SORCS1: variants seen among roughly 807,000 people sequenced by gnomAD.
SORCS1 encodes the protein sortilin related VPS10 domain containing receptor 1.
In SORCS1, 60 loss-of-function variants were observed where a neutral mutation model predicts 146.1. The observed-to-expected ratio is 0.41, with a 90% CI of 0.33 to 0.51. The LOEUF is 0.51. Ranked by LOEUF, SORCS1 falls within the 20% of genes least tolerant of loss-of-function variation. The pLI, the probability that SORCS1 is intolerant of heterozygous loss-of-function variation, is 0.21. For missense variants in SORCS1, 1,352 were observed against 1,487.6 expected, an observed-to-expected ratio of 0.91 and a Z score of 1.50; for synonymous variants, 637 against 584.0, an observed-to-expected ratio of 1.09 and a Z score of -1.31.
intron 11 of SORCS1, 76 bp from the exon 12 acceptor site, chr10:106,679,408 G>T: frequency 8.1e-7 from 1 of 1,231,316 alleles, no homozygotes; most frequent in Non-Finnish European, 1.2e-6. Flanking sequence ...CAGGTGCACT[G>T]CCTGAGAAAG....
intron 1 of SORCS1, among the ~76,000 whole-genome samples, chr10:107,013,733 A>C (rs1288298978): frequency 6.6e-6 from 1 of 152,104 alleles, no homozygotes; most frequent in Admixed American, 6.5e-5. Flanking sequence ...TGACACCATA[A>C]ATTCCCTCCA....
intron 23 of SORCS1, among the ~76,000 whole-genome samples, chr10:106,605,034 C>T (rs1410047553): frequency 1.2e-4 from 18 of 152,330 alleles, no homozygotes; most frequent in Admixed American, 9.2e-4. Context: ...TTGATATTTA[C>T]GTAAACCTGT....
intron 19 of SORCS1, among the ~76,000 whole-genome samples, chr10:106,624,501 C>CACAAAAAAGATA (rs1228060434): frequency 6.6e-6 from 1 of 151,862 alleles, no homozygotes; most frequent in Non-Finnish European, 1.5e-5. Context: ...GCTGGGATTA[C>CACAAAAAAGATA]AGGCGCCTGC....
chr10:106,666,554 CTT>C (rs1423294567), intron 17 of SORCS1, among the ~76,000 whole-genome samples: 5 of 141,166 alleles, frequency 3.5e-5, no homozygotes, highest in South Asian at 2.2e-4. Flanking sequence ...AAATCTCTCT[CTT>C]TTTTTTTTTT....
At chr10:107,019,641 A>G (rs1413101167) in intron 1 of SORCS1, among the ~76,000 whole-genome samples, 1 of 152,178 alleles carries the variant, frequency 6.6e-6, no homozygotes, top group African/African-American at 2.4e-5. Flanking sequence ...TAATGCCCTA[A>G]CCGTCCAAGC....
intron 1 of SORCS1, among the ~76,000 whole-genome samples, chr10:107,044,512 TAAAAAAAAAAAAA>T (rs59253149): frequency 1.4e-5 from 1 of 74,060 alleles, no homozygotes; most frequent in South Asian, 6.1e-4. Flanking sequence ...TTCTAATTTG[TAAAAAAAAAAAAA>T]AAAAAAAAAA....
intron 4 of SORCS1, among the ~76,000 whole-genome samples, chr10:106,772,828 A>T (rs1331102820): frequency 6.6e-6 from 1 of 152,128 alleles, no homozygotes; most frequent in East Asian, 1.9e-4. Flanking sequence ...GGCACCCAAA[A>T]TGAAACACAA....
chr10:106,900,755 G>A (rs945376457), intron 2 of SORCS1, among the ~76,000 whole-genome samples: 8 of 152,052 alleles, frequency 5.3e-5, no homozygotes, highest in African/African-American at 1.7e-4. Flanking sequence ...GTTTCTGGTT[G>A]AACTCGACTA....
At chr10:106,677,520 C>G (rs528165989) in intron 12 of SORCS1, 116 bp from the exon 13 acceptor site, 1 of 881,034 alleles carries the variant, frequency 1.1e-6, no homozygotes, top group South Asian at 1.6e-5. Flanking sequence ...ATAGGTTTCC[C>G]TAAATCTTTG....
At chr10:106,703,851 A>G (rs1412628731) in intron 8 of SORCS1, among the ~76,000 whole-genome samples, 1 of 152,230 alleles carries the variant, frequency 6.6e-6, no homozygotes, top group African/African-American at 2.4e-5. Flanking sequence ...AATAATAAAC[A>G]TCCACCCGGA....
Position 106,865,115 on chromosome 10 carries a change from C to T in SORCS1, c.627-35442G>A, listed in dbSNP as rs560112167. Among the ~76,000 whole-genome samples, 15 of 152,228 alleles carry T rather than the reference C, an allele frequency of 9.9e-5. No individual in the cohort carries two copies. The East Asian group carries it at 2.9e-3, about 30-fold the overall frequency. The stretch of plus-strand genomic sequence containing the variant: ...GCTGAATCAGACCCCTGGCACAGCA[C>T]AGCTGCTATACAAAAATGTGATGAC... On this transcript the variant is annotated intron_variant, in intron 2 of 25. Coordinates refer to ENST00000263054, the MANE Select transcript of SORCS1 (RefSeq NM_052918.5).
intron 2 of SORCS1, among the ~76,000 whole-genome samples, chr10:106,870,874 AAAAG>A (rs1950382982): frequency 2.0e-5 from 3 of 152,236 alleles, no homozygotes; most frequent in African/African-American, 7.2e-5. Flanking sequence ...TTCACAGCAA[AAAAG>A]AAAAGAAAGA....
chr10:107,017,405 C>T (rs958832823), intron 1 of SORCS1, among the ~76,000 whole-genome samples: 1 of 152,108 alleles, frequency 6.6e-6, no homozygotes, highest in African/African-American at 2.4e-5. Flanking sequence ...AAAACAGACA[C>T]AAAATAATAG....
intron 6 of SORCS1, among the ~76,000 whole-genome samples, chr10:106,727,813 G>C (rs552920758): frequency 6.6e-6 from 1 of 152,048 alleles, no homozygotes; most frequent in Non-Finnish European, 1.5e-5. Context: ...AAGAAAGAAG[G>C]GTATTCCAGA....
chr10:106,761,458 T>C, intron 5 of SORCS1, 130 bp downstream of exon 5: 1 of 718,106 alleles, frequency 1.4e-6, no homozygotes, highest in Non-Finnish European at 2.5e-6. Flanking sequence ...CCTGAGGGGA[T>C]GTGGGCATGT....
intron 18 of SORCS1, among the ~76,000 whole-genome samples, chr10:106,647,466 C>T (rs542182467): frequency 6.6e-6 from 1 of 151,666 alleles, no homozygotes; most frequent in East Asian, 1.9e-4. Flanking sequence ...AAGACTCACC[C>T]TAACTCTAGT....
At chr10:107,059,545 A>G (rs569279952) in intron 1 of SORCS1, among the ~76,000 whole-genome samples, 4 of 152,220 alleles carry the variant, frequency 2.6e-5, no homozygotes, top group Non-Finnish European at 5.9e-5. Context: ...CAAGAAGCCC[A>G]GATTTCCTGG....
chr10:107,027,835 CCCTA>C (rs1958476472), intron 1 of SORCS1, among the ~76,000 whole-genome samples: 2 of 152,130 alleles, frequency 1.3e-5, no homozygotes, highest in Admixed American at 6.5e-5. Flanking sequence ...GTCAAGTTAC[CCCTA>C]CCACTGTATC....
chr10:106,724,527 A>G (rs1450309811), intron 6 of SORCS1, among the ~76,000 whole-genome samples: 1 of 151,758 alleles, frequency 6.6e-6, no homozygotes, highest in African/African-American at 2.4e-5. Context: ...AAATAAAATA[A>G]AATAAAAATA....
Sources: allele counts gnomAD v4.1 joint callset (sites outside exome capture counted in the v4.1 genomes callset), GRCh38; gene constraint gnomAD v4.1.1; transcripts MANE v1.5; gene names NCBI Gene and HGNC (gene_info 2026-07-23, HGNC 2026-07-21).